The following PKHD1 variants were observed in gnomAD, a reference collection of about 807,000 sequenced individuals.
PKHD1 encodes the protein fibrocystin.
Under a neutral mutation model 412.0 loss-of-function variants are expected in PKHD1, and 291 were observed. The ratio of observed to expected loss-of-function variants is 0.71; its 90% CI spans 0.64 to 0.78. The LOEUF (loss-of-function observed/expected upper bound fraction) is 0.78. Ranked by LOEUF, PKHD1 falls within the 30% of genes least tolerant of loss-of-function variation. PKHD1 has a pLI of 0.00. For synonymous variants in PKHD1, 1,777 were observed against 1,821.5 expected (o/e 0.98, Z 0.62); for missense variants, 4,825 against 4,950.7 (o/e 0.97, Z 0.76).
chr6:51,903,925 A>G, intron 42 of PKHD1, 61 bp downstream of exon 42: 2 of 1,193,482 alleles, frequency 1.7e-6, no homozygotes, highest in Non-Finnish European at 2.5e-6. Context: ...AGGCTTGTCT[A>G]TAAAATATAT....
At chr6:52,027,060 T>C (rs1223370274) in intron 31 of PKHD1, among the ~76,000 whole-genome samples, 1 of 152,244 alleles carries the variant, frequency 6.6e-6, no homozygotes, top group African/African-American at 2.4e-5. Context: ...TGTGTGTTTC[T>C]ATTTCTGAGT....
intron 35 of PKHD1, among the ~76,000 whole-genome samples, chr6:51,994,264 A>G (rs554639535): frequency 6.6e-6 from 1 of 151,726 alleles, no homozygotes; most frequent in East Asian, 2.0e-4. Flanking sequence ...CCTCCCGGGT[A>G]GCTGGGACTA....
At chr6:52,016,074 C>T (rs1800489092) in intron 34 of PKHD1, among the ~76,000 whole-genome samples, 1 of 152,126 alleles carries the variant, frequency 6.6e-6, no homozygotes, top group East Asian at 1.9e-4. Context: ...TTCCTGGTGT[C>T]CAGCATCAGT....
Position 51,772,795 on chromosome 6 carries a change from A to G in PKHD1, c.8555-6T>C. The G allele has an allele frequency of 6.7e-7, 1 of 1,492,050 alleles. No homozygotes were observed. The highest frequency in any genetic ancestry group is 1.1e-5 in the South Asian group (1 of 88,614). 92.4% of individuals were successfully genotyped at this position (1,492,050 alleles called of 1,614,324 possible). On this transcript the variant is annotated splice_region_variant and splice_polypyrimidine_tract_variant and intron_variant, in intron 54 of 66. Coordinates refer to ENST00000371117, the MANE Select transcript of PKHD1 (RefSeq NM_138694.4). ...ATGAACTTTCCCATAAACCCCTGAA[A>G]ATAAAAGGAGTAACAGTTGGATAGA...
chr6:51,833,870 G>A (rs1046210349), intron 51 of PKHD1, among the ~76,000 whole-genome samples: 6 of 149,924 alleles, frequency 4.0e-5, no homozygotes, highest in Non-Finnish European at 8.9e-5. Context: ...TCTGTCTTCT[G>A]AAGCTTTAGA....
chr6:52,051,745 A>T (rs1215086066), intron 21 of PKHD1, among the ~76,000 whole-genome samples: 1 of 152,242 alleles, frequency 6.6e-6, no homozygotes, highest in East Asian at 1.9e-4. Flanking sequence ...GAGTTTTCCA[A>T]CTAGTGGACT....
chr6:51,714,147 G>A (rs560886086), intron 60 of PKHD1, among the ~76,000 whole-genome samples: 66 of 152,158 alleles, frequency 4.3e-4, no homozygotes, highest in African/African-American at 1.3e-3. Context: ...CGAGGTGGGC[G>A]AATCACGAGA....
chr6:51,892,353 G>T (rs1779245685), intron 43 of PKHD1, among the ~76,000 whole-genome samples: 1 of 152,234 alleles, frequency 6.6e-6, no homozygotes, highest in African/African-American at 2.4e-5. Context: ...CTAGTCTAGA[G>T]TGGTGGTTGT....
intron 48 of PKHD1, among the ~76,000 whole-genome samples, chr6:51,857,859 A>T (rs1773536455): frequency 6.6e-6 from 1 of 152,216 alleles, no homozygotes; most frequent in Admixed American, 6.5e-5. Context: ...GAACTAATGA[A>T]ATGAAAGGGA....
intron 35 of PKHD1, among the ~76,000 whole-genome samples, chr6:51,982,137 GA>G (rs1795438499): frequency 1.9e-5 from 1 of 53,518 alleles, no homozygotes; most frequent in African/African-American, 5.6e-5. Context: ...CCCCGTCTGG[GA>G]AGTGAGGAGC....
At chr6:51,681,260 T>C (rs1393878995) in intron 60 of PKHD1, among the ~76,000 whole-genome samples, 2 of 152,026 alleles carry the variant, frequency 1.3e-5, no homozygotes, top group Non-Finnish European at 2.9e-5. Flanking sequence ...TAGGATGTAT[T>C]TCCTAACTCA....
chr6:51,737,898 G>A (rs540993266), intron 60 of PKHD1, among the ~76,000 whole-genome samples: 2 of 152,282 alleles, frequency 1.3e-5, no homozygotes, highest in South Asian at 4.1e-4. Flanking sequence ...ATATTGGCAG[G>A]AGAATGAGGG....
chr6:51,985,913 T>C (rs1796154824), intron 35 of PKHD1, among the ~76,000 whole-genome samples: 2 of 152,188 alleles, frequency 1.3e-5, no homozygotes, highest in Admixed American at 6.5e-5. Context: ...AGTTATACAA[T>C]GGAAAGTAAT....
In PKHD1 at chr6:51,615,470, C is replaced by T. The variant is rs1426306310; in HGVS notation, c.*3611G>A. Reference sequence around the variant, plus strand: ...ATGTTGAAATCAACAGTTCTATACTCAATAGTATTTAATTCCTTGTGCTTA... The same window carrying T: ...ATGTTGAAATCAACAGTTCTATACTTAATAGTATTTAATTCCTTGTGCTTA... On this transcript the variant is annotated 3_prime_UTR_variant, in exon 67 of 67. Transcript: ENST00000371117. The T allele has an allele frequency of 1.3e-5, 2 of 152,086 alleles. No homozygotes were observed. Among genetic ancestry groups the T allele is most frequent in the Non-Finnish European group, 2.9e-5 (2 of 68,008 alleles). The allele number at this position is 152,086 out of a possible 1,614,324, so 9.4% of individuals were successfully genotyped here.
chr6:51,996,367 C>T (rs1215126420), intron 35 of PKHD1, among the ~76,000 whole-genome samples: 1 of 152,088 alleles, frequency 6.6e-6, no homozygotes, highest in East Asian at 1.9e-4. Context: ...GAAACCGACA[C>T]TGTAACAGAC....
intron 52 of PKHD1, among the ~76,000 whole-genome samples, chr6:51,797,442 T>A (rs1177003966): frequency 6.6e-6 from 1 of 152,200 alleles, no homozygotes; most frequent in African/African-American, 2.4e-5. Flanking sequence ...CTAAGTCTCT[T>A]AGAAGGTCTC....
At chr6:51,697,103 C>T (rs1347406990) in intron 60 of PKHD1, among the ~76,000 whole-genome samples, 2 of 152,010 alleles carry the variant, frequency 1.3e-5, no homozygotes, top group East Asian at 1.9e-4. Flanking sequence ...GCAGGAGAGT[C>T]GCTGAGGCAG....
At chr6:51,910,380 G>A (rs1043198639) in intron 39 of PKHD1, among the ~76,000 whole-genome samples, 1 of 152,112 alleles carries the variant, frequency 6.6e-6, no homozygotes, top group African/African-American at 2.4e-5. Flanking sequence ...CTATTACCCA[G>A]AGAAGAGGTG....
At chr6:51,949,605 G>A (rs895661956) in intron 36 of PKHD1, among the ~76,000 whole-genome samples, 3 of 152,198 alleles carry the variant, frequency 2.0e-5, no homozygotes, top group Non-Finnish European at 4.4e-5. Context: ...GGAAGCCTTC[G>A]AGGTGGGCTT....
Sources: allele counts gnomAD v4.1 joint callset (sites outside exome capture counted in the v4.1 genomes callset), GRCh38; gene constraint gnomAD v4.1.1; transcripts MANE v1.5; gene names NCBI Gene and HGNC (gene_info 2026-07-23, HGNC 2026-07-21).